Variants in SEC24A observed in about 807,000 individuals in gnomAD.
The protein encoded by SEC24A is SEC24 homolog A, COPII component.
In SEC24A, 93 loss-of-function variants were observed where a neutral mutation model predicts 129.4. The observed-to-expected ratio is 0.72, with a 90% CI of 0.61 to 0.85. The LOEUF is 0.85. SEC24A is among the 40% of genes least tolerant of loss of function. SEC24A has a pLI of 0.00. For synonymous variants in SEC24A, 460 were observed against 467.3 expected (o/e 0.98, Z 0.20); for missense variants, 1,264 against 1,307.4 (o/e 0.97, Z 0.51).
rs1195778008 is a variant in SEC24A, at chr5:134,703,833, C to A, written c.2341C>A (p.Pro781Thr). 3 of 1,613,236 alleles carry A rather than the reference C, an allele frequency of 1.9e-6. No homozygotes were observed. Among genetic ancestry groups the A allele is most frequent in the Non-Finnish European group, 1.7e-6 (2 of 1,179,232 alleles). ...TDLLSLPNVN[P>T]DAGYAVQMSV... ...CTTACTGTCTTTGCCTAACGTCAAC[C>A]CAGACGCTGGGTATGCAGTACAGAT... The change falls in exon 16 of 23, where the codon CCA becomes ACA. Residue 781 changes from proline to threonine, a missense_variant. Pro to Thr is a conservative substitution (Grantham distance 38). Coordinates refer to ENST00000398844, the MANE Select transcript of SEC24A (RefSeq NM_021982.3).
chr5:134,706,147 A>G (rs965715249), intron 17 of SEC24A, among the ~76,000 whole-genome samples: 1 of 152,162 alleles, frequency 6.6e-6, no homozygotes, highest in Non-Finnish European at 1.5e-5. Context: ...TTGGCCTCCC[A>G]AAGTGTTGGG....
At chr5:134,702,495 G>A (rs12655967) in intron 15 of SEC24A, among the ~76,000 whole-genome samples, 55,115 of 152,012 alleles carry the variant, frequency 0.36, 11,055 homozygotes, top group East Asian at 0.67. Context: ...AAAATGGTAT[G>A]TATCAGAATT....
intron 18 of SEC24A, among the ~76,000 whole-genome samples, chr5:134,714,716 C>T (rs890575809): frequency 1.3e-5 from 2 of 152,190 alleles, no homozygotes; most frequent in South Asian, 4.1e-4. Flanking sequence ...TGGATTGTTA[C>T]ATCATTATCA....
chr5:134,726,527 G>C lies in SEC24A; in HGVS notation c.*1433G>C, dbSNP rs2150117229. On this transcript the variant is annotated 3_prime_UTR_variant, in exon 23 of 23. Transcript: ENST00000398844. The stretch of plus-strand genomic sequence containing the variant: ...CTTTAACTGAGTTGTTTGGGATAGG[G>C]AAGAAGCAGTCCCTCTACAGTATAC... The C allele has an allele frequency of 6.6e-6, 1 of 152,626 alleles. No individual in the cohort carries two copies. Among genetic ancestry groups the C allele is most frequent in the East Asian group, 1.9e-4 (1 of 5,196 alleles). 9.5% of individuals were successfully genotyped at this position (152,626 alleles called of 1,614,324 possible).
intron 1 of SEC24A, among the ~76,000 whole-genome samples, chr5:134,654,116 G>A (rs994481556): frequency 1.3e-5 from 2 of 151,714 alleles, no homozygotes; most frequent in African/African-American, 4.8e-5. Context: ...CCATGATCAT[G>A]CCACTACCCT....
At position 134,723,606 on chromosome 5, in the gene SEC24A, A is replaced by G; in HGVS notation, c.3103A>G (p.Ile1035Val). 1 of 1,613,604 alleles carries G rather than the reference A, an allele frequency of 6.2e-7. No individual in the cohort carries two copies. Among genetic ancestry groups the G allele is most frequent in the Non-Finnish European group, 8.5e-7 (1 of 1,179,578 alleles). The change falls in exon 22 of 23, where the codon ATA becomes GTA. Residue 1035 changes from isoleucine to valine, a missense_variant. Ile to Val is a conservative substitution (Grantham distance 29, BLOSUM62 3). Transcript: ENST00000398844. ...PELDTPESAR[I>V]IAFISWLREQ... Reference sequence around the variant, plus strand: ...ACTTGATACACCAGAATCTGCCAGAATAATAGCTTTCATCTCTTGGCTTAG... The same window carrying G: ...ACTTGATACACCAGAATCTGCCAGAGTAATAGCTTTCATCTCTTGGCTTAG...
Position 134,662,408 on chromosome 5 carries a change from C to T in SEC24A, c.565+822C>T, listed in dbSNP as rs186243904. ...TGACCTCGTGATCCGCCCGCCTTGA[C>T]CTCCCAAAGTGCTGTGATTACAGGT... On this transcript the variant is annotated intron_variant, in intron 2 of 22. Transcript: ENST00000398844. Among the ~76,000 whole-genome samples, 935 of 152,280 alleles carry T rather than the reference C, an allele frequency of 6.1e-3. 4 individuals are homozygous for T. Among genetic ancestry groups the T allele is most frequent in the Non-Finnish European group, 9.3e-3 (636 of 68,024 alleles).
At chr5:134,723,800 T>C in intron 22 of SEC24A, 130 bp downstream of exon 22, 1 of 597,112 alleles carries the variant, frequency 1.7e-6, no homozygotes, top group Non-Finnish European at 3.0e-6. Context: ...AAATCATACC[T>C]TATATCCAAT....
chr5:134,674,922 A>G (rs1289896290), intron 5 of SEC24A, 123 bp from the exon 6 acceptor site: 4 of 1,150,356 alleles, frequency 3.5e-6, no homozygotes, highest in Admixed American at 2.9e-5. Flanking sequence ...GTCTTTATAC[A>G]TTTTTCCAGA....
intron 11 of SEC24A, among the ~76,000 whole-genome samples, chr5:134,689,987 G>T (rs1369522098): frequency 6.6e-6 from 1 of 152,024 alleles, no homozygotes; most frequent in Non-Finnish European, 1.5e-5. Flanking sequence ...GGGGCTGGGG[G>T]GGGAGGGCGA....
At chr5:134,700,453 T>A (rs1273619839) in intron 15 of SEC24A, among the ~76,000 whole-genome samples, 1 of 151,808 alleles carries the variant, frequency 6.6e-6, no homozygotes, top group African/African-American at 2.4e-5. Context: ...CTCCTGGACT[T>A]AAGCAATCCT....
intron 1 of SEC24A, among the ~76,000 whole-genome samples, chr5:134,659,841 C>T (rs968089637): frequency 3.3e-5 from 5 of 151,802 alleles, no homozygotes; most frequent in Non-Finnish European, 7.4e-5. Flanking sequence ...TTTATAGAGA[C>T]GAGGTCTTAC....
rs573681639 is a variant in SEC24A, at chr5:134,684,646, G to GA, written c.1492-2143dup. On this transcript the variant is annotated intron_variant, in intron 9 of 22. Coordinates refer to ENST00000398844, the MANE Select transcript of SEC24A (RefSeq NM_021982.3). ...GAGAATTGCTTGAACCAGGGAGGCA[G>GA]AGGTTGCAGTGAGCCGAGATTGCGC... Among the ~76,000 whole-genome samples the GA allele has an allele frequency of 7.7e-3, 1,167 of 152,202 alleles. 13 individuals are homozygous for GA. Among genetic ancestry groups the GA allele is most frequent in the African/African-American group, 0.027 (1,109 of 41,536 alleles).
At chr5:134,649,279 G>A (rs1398183454) in intron 1 of SEC24A, 106 bp downstream of exon 1, 2 of 797,460 alleles carry the variant, frequency 2.5e-6, no homozygotes, top group African/African-American at 1.8e-5. Flanking sequence ...CTCCTTACCG[G>A]GTTCTGGCGC....
chr5:134,671,734 G>T, intron 3 of SEC24A, 75 bp from the exon 4 acceptor site: 1 of 813,126 alleles, frequency 1.2e-6, no homozygotes, highest in Non-Finnish European at 1.9e-6. Flanking sequence ...TTAAAATTTT[G>T]GATATTAGTT....
At chr5:134,712,119 A>G (rs1447162342) in intron 18 of SEC24A, among the ~76,000 whole-genome samples, 2 of 152,046 alleles carry the variant, frequency 1.3e-5, no homozygotes, top group Non-Finnish European at 2.9e-5. Flanking sequence ...GGCGTGAGCT[A>G]CCACACCAGG....
Position 134,682,413 on chromosome 5 carries a change from T to C in SEC24A, c.1422T>C (p.Tyr474=). 1.2e-6 allele frequency: 2 copies of C among 1,609,098 alleles called. No homozygotes were observed. The change falls in exon 9 of 23, where the codon TAT becomes TAC. Residue 474 remains tyrosine, a synonymous_variant. Transcript: ENST00000398844. Reference sequence around the variant, plus strand: ...TGTACAACCCTTTGACCAGAGTTTATGGAGAACCTCACAGAAGACCAGAAG... The same window carrying C: ...TGTACAACCCTTTGACCAGAGTTTACGGAGAACCTCACAGAAGACCAGAAG... ...EFLYNPLTRV[Y]GEPHRRPEVQ... is the part of the protein sequence containing the mutation.
chr5:134,694,815 G>A (rs1421352629), intron 13 of SEC24A, among the ~76,000 whole-genome samples: 17 of 142,316 alleles, frequency 1.2e-4, no homozygotes, highest in African/African-American at 4.2e-4. Flanking sequence ...GCAAAACTCC[G>A]TCTCAAAAAA....
At chr5:134,680,609 C>T (rs1475111229) in intron 8 of SEC24A, among the ~76,000 whole-genome samples, 2 of 152,052 alleles carry the variant, frequency 1.3e-5, no homozygotes, top group East Asian at 3.9e-4. Context: ...CTGGGATTAA[C>T]AGGCATGAGC....
Sources: gnomAD v4.1 joint callset for allele counts (sites outside exome capture counted in the v4.1 genomes callset) on GRCh38, gnomAD v4.1.1 for gene constraint, MANE v1.5 for transcripts, NCBI Gene and HGNC (gene_info 2026-07-23, HGNC 2026-07-21) for gene names.